KDM4C: variants seen among roughly 807,000 people sequenced by gnomAD.
KDM4C encodes lysine-specific demethylase 4C.
In KDM4C, 81 loss-of-function variants were observed where a neutral mutation model predicts 129.3. The observed-to-expected ratio is 0.63, with a 90% CI of 0.52 to 0.75. The LOEUF (loss-of-function observed/expected upper bound fraction) is 0.75, where lower values mean the gene tolerates loss of function less well. Ranked by LOEUF, KDM4C falls within the 30% of genes least tolerant of loss-of-function variation. The pLI, the probability that KDM4C is intolerant of heterozygous loss-of-function variation, is 0.00. For synonymous variants in KDM4C, 573 were observed against 456.1 expected (o/e 1.26, Z -3.26); for missense variants, 1,457 against 1,304.0 (o/e 1.12, Z -1.81).
intron 17 of KDM4C, among the ~76,000 whole-genome samples, chr9:7,065,349 C>T (rs1435947761): frequency 1.3e-5 from 2 of 151,774 alleles, no homozygotes; most frequent in East Asian, 3.9e-4. Flanking sequence ...AAAAAGTAGT[C>T]AAATAAATTG....
chr9:6,795,156 G>T lies in KDM4C; in HGVS notation c.144+2024G>T, dbSNP rs112559410. On this transcript the variant is annotated intron_variant, in intron 2 of 21. Coordinates refer to ENST00000381309, the MANE Select transcript of KDM4C (RefSeq NM_015061.6). ...GTTCTCCTTGAAATCCCCAGCTATG[G>T]AGGTCAGATAGCATGGAAAACAGAA... is the stretch of plus-strand genomic sequence containing the variant. Among the ~76,000 whole-genome samples the T allele has an allele frequency of 2.0e-3, 297 of 152,212 alleles. 1 individual carries two copies. Among genetic ancestry groups the T allele is most frequent in the African/African-American group, 7.0e-3 (289 of 41,532 alleles).
At chr9:6,904,466 A>G (rs1039951891) in intron 8 of KDM4C, among the ~76,000 whole-genome samples, 2 of 150,420 alleles carry the variant, frequency 1.3e-5, no homozygotes, top group African/African-American at 2.4e-5. Flanking sequence ...AGTTCATTGC[A>G]CAGATCTTGT....
intron 4 of KDM4C, 27 bp downstream of exon 4, chr9:6,814,772 G>A (rs909897923): frequency 7.2e-7 from 1 of 1,395,994 alleles, no homozygotes; most frequent in Non-Finnish European, 1.0e-6. Context: ...AGTGAGTTTT[G>A]TAAAGATCAT....
chr9:6,918,842 T>C (rs1449878737), intron 8 of KDM4C, among the ~76,000 whole-genome samples: 2 of 152,120 alleles, frequency 1.3e-5, no homozygotes, highest in African/African-American at 4.8e-5. Flanking sequence ...AAGGCTCTGT[T>C]CATGTCCTTT....
chr9:6,816,581 C>T (rs1033003482), intron 4 of KDM4C, among the ~76,000 whole-genome samples: 1 of 152,122 alleles, frequency 6.6e-6, no homozygotes, highest in Admixed American at 6.6e-5. Flanking sequence ...TTCTTATATA[C>T]CTTATATATA....
chr9:6,826,430 A>AT (rs1833881235), intron 4 of KDM4C, among the ~76,000 whole-genome samples: 1 of 152,072 alleles, frequency 6.6e-6, no homozygotes, highest in Non-Finnish European at 1.5e-5. Context: ...ATTTCCTTCC[A>AT]TTTTTTCTCT....
intron 8 of KDM4C, among the ~76,000 whole-genome samples, chr9:6,919,862 A>G (rs144273080): frequency 6.6e-6 from 1 of 152,080 alleles, no homozygotes; most frequent in African/African-American, 2.4e-5. Context: ...GGTGTGAGCC[A>G]CTGCACCTGG....
intron 1 of KDM4C, among the ~76,000 whole-genome samples, chr9:6,775,563 C>A (rs1053002889): frequency 6.6e-6 from 1 of 151,464 alleles, no homozygotes; most frequent in African/African-American, 2.4e-5. Context: ...GTTCTTATTG[C>A]CCAGGCTGGA....
At chr9:7,147,961 A>C (rs933506700) in intron 19 of KDM4C, among the ~76,000 whole-genome samples, 4 of 152,106 alleles carry the variant, frequency 2.6e-5, no homozygotes, top group African/African-American at 9.7e-5. Flanking sequence ...GGCTCATGCT[A>C]CTGGCCCGGA....
intron 8 of KDM4C, among the ~76,000 whole-genome samples, chr9:6,896,446 C>T (rs1445248611): frequency 2.0e-5 from 3 of 150,638 alleles, no homozygotes; most frequent in Non-Finnish European, 4.4e-5. Context: ...ATTATATGTG[C>T]ATATATGTAA....
chr9:6,977,500 T>C (rs1242201456), intron 8 of KDM4C, among the ~76,000 whole-genome samples: 2 of 152,162 alleles, frequency 1.3e-5, no homozygotes, highest in Non-Finnish European at 2.9e-5. Context: ...ACCAAGCTCT[T>C]ATGTTAAAAG....
intron 19 of KDM4C, 82 bp downstream of exon 19, chr9:7,128,318 C>A: frequency 1.7e-6 from 2 of 1,187,246 alleles, no homozygotes; most frequent in Non-Finnish European, 1.1e-6. Context: ...CAGAATTTTT[C>A]TTTTGGCTTT....
chr9:7,031,162 A>ATTTT (rs1230718958), intron 15 of KDM4C, among the ~76,000 whole-genome samples: 6 of 114,638 alleles, frequency 5.2e-5, no homozygotes, highest in Non-Finnish European at 8.9e-5. Flanking sequence ...TTATTTATTT[A>ATTTT]TTTATTTATG....
chr9:7,036,130 T>G (rs192314729), intron 15 of KDM4C, among the ~76,000 whole-genome samples: 56 of 152,314 alleles, frequency 3.7e-4, no homozygotes, highest in African/African-American at 1.3e-3. Context: ...TGGGATGTTT[T>G]CCCATTTATT....
intron 8 of KDM4C, chr9:6,924,785 C>G (rs1822175189): frequency 1.1e-5 from 11 of 981,320 alleles, no homozygotes; most frequent in Non-Finnish European, 1.3e-5. Flanking sequence ...GTTATTTTCC[C>G]TGTATATTCT....
intron 5 of KDM4C, among the ~76,000 whole-genome samples, chr9:6,850,622 G>C (rs1246978083): frequency 6.6e-6 from 1 of 152,042 alleles, no homozygotes; most frequent in Non-Finnish European, 1.5e-5. Context: ...AGTAGAGACA[G>C]GGTTTCACCA....
chr9:6,998,833 C>T (rs948642859), intron 12 of KDM4C, among the ~76,000 whole-genome samples: 4 of 152,116 alleles, frequency 2.6e-5, no homozygotes, highest in African/African-American at 9.7e-5. Context: ...ACAACAACAA[C>T]AACAACAAAA....
intron 5 of KDM4C, among the ~76,000 whole-genome samples, chr9:6,864,650 T>A (rs971818441): frequency 6.6e-6 from 1 of 151,694 alleles, no homozygotes. Flanking sequence ...TTTTTTTAAA[T>A]TTATTTTATT....
chr9:7,066,826 A>G (rs1286904154), intron 17 of KDM4C, among the ~76,000 whole-genome samples: 1 of 152,222 alleles, frequency 6.6e-6, no homozygotes, highest in East Asian at 1.9e-4. Context: ...TATTTGCTTT[A>G]AAGTTTCTCT....
Sources: gnomAD v4.1 joint callset for allele counts (sites outside exome capture counted in the v4.1 genomes callset) on GRCh38, gnomAD v4.1.1 for gene constraint, MANE v1.5 for transcripts, NCBI Gene and HGNC (gene_info 2026-07-23, HGNC 2026-07-21) for gene names.